The following EML5 variants were observed in gnomAD, a reference collection of about 807,000 sequenced individuals.
The protein encoded by EML5 is EMAP like 5.
A neutral mutation model predicts 250.0 loss-of-function variants in EML5; 120 were observed. That is an observed-to-expected ratio of 0.48 (90% CI 0.41 to 0.56). The LOEUF is 0.56. Among genes scored for constraint, EML5 ranks in the 20% least tolerant of loss-of-function variants. The pLI is 0.00. For missense variants in EML5, 2,006 were observed against 2,437.6 expected (o/e 0.82, Z 3.73); for synonymous variants, 771 against 806.5 (o/e 0.96, Z 0.75).
chr14:88,669,047 G>C (rs1322471133), intron 21 of EML5, among the ~76,000 whole-genome samples: 1 of 152,212 alleles, frequency 6.6e-6, no homozygotes, highest in African/African-American at 2.4e-5. Flanking sequence ...GCAGGGTGGA[G>C]TGACAGCCCA....
intron 7 of EML5, among the ~76,000 whole-genome samples, chr14:88,734,390 A>G (rs2093808031): frequency 6.6e-6 from 1 of 152,164 alleles, no homozygotes; most frequent in South Asian, 2.1e-4. Context: ...TAGGCCATGC[A>G]TTCTCAACGG....
intron 25 of EML5, among the ~76,000 whole-genome samples, chr14:88,661,371 T>C (rs1307136281): frequency 6.6e-6 from 1 of 152,188 alleles, no homozygotes; most frequent in Non-Finnish European, 1.5e-5. Context: ...ACTGGGATTA[T>C]AGGCATGAGC....
intron 14 of EML5, among the ~76,000 whole-genome samples, chr14:88,697,746 T>G (rs1293163021): frequency 6.6e-6 from 1 of 152,152 alleles, no homozygotes; most frequent in African/African-American, 2.4e-5. Context: ...TATTTTTTAT[T>G]TTTTTTGAGA....
At chr14:88,630,056 G>T (rs2090350208) in intron 33 of EML5, among the ~76,000 whole-genome samples, 1 of 107,068 alleles carries the variant, frequency 9.3e-6, no homozygotes, top group Non-Finnish European at 1.8e-5. Context: ...TTGAGATGGA[G>T]TTTCGCTCTT....
At position 88,744,006 on chromosome 14, in the gene EML5, C is replaced by G. The variant is rs568829311; in HGVS notation, c.525+17G>C. 31 of 1,524,538 alleles carry G rather than the reference C, an allele frequency of 2.0e-5. No individual in the cohort carries two copies. The Admixed American group carries it at 4.3e-4, about 21-fold the overall frequency. 94.4% of individuals were successfully genotyped at this position (1,524,538 alleles called of 1,614,324 possible). A position where few individuals can be genotyped will look rare whatever the true frequency, so the allele number is the denominator to read the frequency against. On this transcript the variant is annotated intron_variant, in intron 4 of 43. Transcript: ENST00000554922. The stretch of plus-strand genomic sequence containing the variant: ...AGAACTAAACGTGACTATTATAAAA[C>G]AAGACCCTTCTAGTACCTTGATATG...
chr14:88,761,711 C>T lies in EML5; in HGVS notation c.198-7040G>A, dbSNP rs536647586. On this transcript the variant is annotated intron_variant, in intron 1 of 43. Transcript: ENST00000554922. ...ATTTATAATCCTTTGGGTATATACCCAGTAATGGGATTCTTGGGTCAAACG... is the reference window on the plus strand; with the variant it reads ...ATTTATAATCCTTTGGGTATATACCTAGTAATGGGATTCTTGGGTCAAACG... 4.6e-5 allele frequency among the ~76,000 whole-genome samples: 7 copies of T among 152,256 alleles called. No homozygotes were observed. In the South Asian group the frequency reaches 1.5e-3, roughly 32 times the overall value.
At chr14:88,711,122 G>C (rs192812357) in intron 10 of EML5, among the ~76,000 whole-genome samples, 2 of 152,096 alleles carry the variant, frequency 1.3e-5, no homozygotes, top group East Asian at 3.9e-4. Flanking sequence ...AAAATTTGTT[G>C]TGCATGGTGA....
At chr14:88,712,220 G>T in intron 10 of EML5, 51 bp downstream of exon 10, 1 of 1,308,524 alleles carries the variant, frequency 7.6e-7, no homozygotes, top group South Asian at 1.3e-5. Flanking sequence ...GCAAGAACAC[G>T]AAAGTCTTCT....
intron 17 of EML5, among the ~76,000 whole-genome samples, chr14:88,691,971 A>G (rs2092968906): frequency 6.6e-6 from 1 of 152,242 alleles, no homozygotes; most frequent in Non-Finnish European, 1.5e-5. Flanking sequence ...CTTATTTCAA[A>G]CAAATTCATA....
intron 1 of EML5, among the ~76,000 whole-genome samples, chr14:88,762,755 T>C (rs1251513982): frequency 6.6e-6 from 1 of 152,062 alleles, no homozygotes; most frequent in African/African-American, 2.4e-5. Flanking sequence ...GACCACATAA[T>C]TGGAAGTAAA....
chr14:88,646,839 G>A (rs888257526), intron 29 of EML5, 108 bp downstream of exon 29: 21 of 1,158,444 alleles, frequency 1.8e-5, no homozygotes, highest in Non-Finnish European at 7.2e-6. Flanking sequence ...GTGCAAAACT[G>A]TGAAGAGAGG....
At position 88,649,906 on chromosome 14, in the gene EML5, A is replaced by C; in HGVS notation, c.4019+6T>G. ...AATAAAATATTTTCTTTTATAAAAC[A>C]CTTACCTTACTACTCCCTGCCTTCA... On this transcript the variant is annotated splice_donor_region_variant and intron_variant, in intron 28 of 43. Transcript: ENST00000554922. 1 of 1,494,370 alleles carries C rather than the reference A, an allele frequency of 6.7e-7. No homozygotes were observed. Among genetic ancestry groups the C allele is most frequent in the Middle Eastern group, 2.1e-4 (1 of 4,860 alleles). The allele number at this position is 1,494,370 out of a possible 1,614,324, so 92.6% of individuals were successfully genotyped here. A position where few individuals can be genotyped will look rare whatever the true frequency, so the allele number is the denominator to read the frequency against.
intron 17 of EML5, among the ~76,000 whole-genome samples, chr14:88,690,337 T>A (rs2092928242): frequency 6.6e-6 from 1 of 152,200 alleles, no homozygotes; most frequent in African/African-American, 2.4e-5. Context: ...TGAGAATAGA[T>A]ACAAGGGAGG....
intron 2 of EML5, among the ~76,000 whole-genome samples, chr14:88,749,346 T>C (rs529413132): frequency 6.6e-6 from 1 of 152,260 alleles, no homozygotes; most frequent in Non-Finnish European, 1.5e-5. Context: ...AAATATCCTT[T>C]GAAAATTGAG....
chr14:88,698,792 C>T (rs186587537), intron 14 of EML5, among the ~76,000 whole-genome samples: 21 of 152,268 alleles, frequency 1.4e-4, no homozygotes, highest in Middle Eastern at 3.4e-3. Flanking sequence ...CAATTGTCTA[C>T]TGGACATCTC....
chr14:88,743,344 T>C (rs1204347128), intron 4 of EML5, among the ~76,000 whole-genome samples: 1 of 152,066 alleles, frequency 6.6e-6, no homozygotes, highest in Non-Finnish European at 1.5e-5. Flanking sequence ...ACCATACATT[T>C]TTATGTATCA....
intron 13 of EML5, 90 bp from the exon 14 acceptor site, chr14:88,702,722 G>C: frequency 2.2e-6 from 2 of 912,518 alleles, no homozygotes; most frequent in Non-Finnish European, 3.1e-6. Flanking sequence ...TACCCTTTGG[G>C]TGAATCATTC....
chr14:88,730,712 A>G (rs1034795277), intron 7 of EML5, among the ~76,000 whole-genome samples: 1 of 152,224 alleles, frequency 6.6e-6, no homozygotes, highest in Non-Finnish European at 1.5e-5. Context: ...AATAGTCTGC[A>G]TGAAACAACT....
At chr14:88,692,574 C>A (rs1487813914) in intron 17 of EML5, among the ~76,000 whole-genome samples, 1 of 152,104 alleles carries the variant, frequency 6.6e-6, no homozygotes, top group Admixed American at 6.5e-5. Context: ...CCATTTTATA[C>A]AAGGGACTTG....
Sources: allele counts gnomAD v4.1 joint callset (sites outside exome capture counted in the v4.1 genomes callset), GRCh38; gene constraint gnomAD v4.1.1; transcripts MANE v1.5; gene names NCBI Gene and HGNC (gene_info 2026-07-23, HGNC 2026-07-21).